EYS: variants seen among roughly 807,000 people sequenced by gnomAD.
EYS encodes the protein EGF-like photoreceptor maintenance factor, also known as protein eyes shut homolog.
In EYS, 250 loss-of-function variants were observed where a neutral mutation model predicts 282.1. The ratio of observed to expected loss-of-function variants is 0.89; its 90% CI spans 0.80 to 0.98. EYS has a LOEUF of 0.98. Among genes scored for constraint, EYS ranks in the 50% least tolerant of loss-of-function variants. The pLI is 0.00. For synonymous variants in EYS, 1,355 were observed against 1,282.9 expected, an observed-to-expected ratio of 1.06 and a Z score of -1.20; for missense variants, 4,016 against 3,709.0, an observed-to-expected ratio of 1.08 and a Z score of -2.15.
chr6:63,736,676 G>T (rs916223462), intron 41 of EYS, among the ~76,000 whole-genome samples: 1 of 152,142 alleles, frequency 6.6e-6, no homozygotes, highest in African/African-American at 2.4e-5. Context: ...ATTACCTTGG[G>T]CAGTACGGCC....
intron 1 of EYS, among the ~76,000 whole-genome samples, chr6:65,663,697 T>A (rs986446835): frequency 6.6e-6 from 1 of 151,496 alleles, no homozygotes; most frequent in East Asian, 1.9e-4. Context: ...TTATTTATTT[T>A]TTGAGACGGA....
At chr6:64,648,206 GC>G (rs1237307582) in intron 22 of EYS, among the ~76,000 whole-genome samples, 1 of 152,142 alleles carries the variant, frequency 6.6e-6, no homozygotes, top group Admixed American at 6.6e-5. Flanking sequence ...AAAACTAGGG[GC>G]AGAAACAGCT....
At chr6:64,317,724 G>A (rs1448739611) in intron 29 of EYS, among the ~76,000 whole-genome samples, 1 of 152,034 alleles carries the variant, frequency 6.6e-6, no homozygotes, top group African/African-American at 2.4e-5. Flanking sequence ...AAACACACAT[G>A]CAAACGTATG....
intron 29 of EYS, among the ~76,000 whole-genome samples, chr6:64,312,812 AAC>A (rs1251914127): frequency 6.6e-6 from 1 of 152,206 alleles, no homozygotes; most frequent in Admixed American, 6.5e-5. Flanking sequence ...AAAGAAAACT[AAC>A]AAACAGAAAG....
intron 31 of EYS, among the ~76,000 whole-genome samples, chr6:64,203,044 G>T (rs987609845): frequency 1.3e-5 from 2 of 152,214 alleles, no homozygotes; most frequent in Non-Finnish European, 2.9e-5. Flanking sequence ...TCAAAGACCT[G>T]AGAGATATAA....
intron 22 of EYS, among the ~76,000 whole-genome samples, chr6:64,762,334 A>G (rs1395421971): frequency 6.6e-6 from 1 of 152,232 alleles, no homozygotes. Context: ...ATTTTTCTGC[A>G]CTATTCACTC....
At chr6:65,157,361 T>C (rs1487989396) in intron 12 of EYS, among the ~76,000 whole-genome samples, 1 of 150,892 alleles carries the variant, frequency 6.6e-6, no homozygotes, top group Non-Finnish European at 1.5e-5. Flanking sequence ...GAATCTCTAA[T>C]CAAATCTATA....
chr6:64,385,841 T>C (rs920454628), intron 29 of EYS, among the ~76,000 whole-genome samples: 6 of 152,190 alleles, frequency 3.9e-5, no homozygotes, highest in South Asian at 2.1e-4. Flanking sequence ...TTTTGTAACA[T>C]TGGTGTTCAA....
At chr6:65,575,613 T>A (rs1006537469) in intron 2 of EYS, among the ~76,000 whole-genome samples, 1 of 151,544 alleles carries the variant, frequency 6.6e-6, no homozygotes. Context: ...ATAAATAATA[T>A]AGACATGAGA....
At chr6:64,185,154 G>A (rs72876883) in intron 31 of EYS, among the ~76,000 whole-genome samples, 46,740 of 151,874 alleles carry the variant, frequency 0.31, 7,268 homozygotes, top group East Asian at 0.5. Flanking sequence ...TGAACTTGTC[G>A]GGCTCCCCAA....
At chr6:64,352,427 T>A (rs1771674394) in intron 29 of EYS, among the ~76,000 whole-genome samples, 1 of 151,598 alleles carries the variant, frequency 6.6e-6, no homozygotes, top group South Asian at 2.1e-4. Flanking sequence ...GCATCATTCA[T>A]CAACTTATGA....
At chr6:64,712,335 A>C (rs939006921) in intron 22 of EYS, among the ~76,000 whole-genome samples, 1 of 152,184 alleles carries the variant, frequency 6.6e-6, no homozygotes, top group Non-Finnish European at 1.5e-5. Context: ...TTAGTTAAAG[A>C]GATAAGAGTG....
At chr6:65,568,889 A>T (rs995631762) in intron 2 of EYS, among the ~76,000 whole-genome samples, 5 of 152,224 alleles carry the variant, frequency 3.3e-5, no homozygotes, top group Admixed American at 6.5e-5. Context: ...TATGACAGTG[A>T]AAGTGATCTG....
chr6:64,508,551 TTTATTATTATTA>T (rs34222008), intron 26 of EYS, among the ~76,000 whole-genome samples: 45 of 142,502 alleles, frequency 3.2e-4, no homozygotes, highest in African/African-American at 7.8e-4. Context: ...TTTCTAAGTA[TTTATTATTATTA>T]TTATTATTAT....
chr6:65,099,800 G>T (rs1345901794), intron 12 of EYS, among the ~76,000 whole-genome samples: 1 of 150,648 alleles, frequency 6.6e-6, no homozygotes, highest in Non-Finnish European at 1.5e-5. Context: ...CATATCTCCG[G>T]ACTGCTGCAA....
intron 36 of EYS, among the ~76,000 whole-genome samples, chr6:63,825,528 T>C (rs1467845074): frequency 6.6e-6 from 1 of 152,218 alleles, no homozygotes; most frequent in Non-Finnish European, 1.5e-5. Context: ...CAGGTGCTGG[T>C]ATCCATGGCT....
chr6:64,465,508 A>G (rs1775887831), intron 26 of EYS, among the ~76,000 whole-genome samples: 1 of 152,130 alleles, frequency 6.6e-6, no homozygotes, highest in Admixed American at 6.5e-5. Flanking sequence ...AAAGAATGAT[A>G]TCTTTTATAA....
chr6:64,019,408 T>C (rs1309506922), intron 33 of EYS, among the ~76,000 whole-genome samples: 1 of 137,606 alleles, frequency 7.3e-6, no homozygotes, highest in Non-Finnish European at 1.6e-5. Context: ...AGATATTTTC[T>C]TTCTTTCCTT....
chr6:63,939,699 A>G (rs527749072), intron 35 of EYS, among the ~76,000 whole-genome samples: 9 of 152,300 alleles, frequency 5.9e-5, no homozygotes, highest in African/African-American at 2.2e-4. Flanking sequence ...TATAGCCCAG[A>G]AATATTGAAA....
Sources: allele counts gnomAD v4.1 joint callset (sites outside exome capture counted in the v4.1 genomes callset), GRCh38; gene constraint gnomAD v4.1.1; transcripts MANE v1.5; gene names NCBI Gene and HGNC (gene_info 2026-07-23, HGNC 2026-07-21).